GABRB3: variants seen among roughly 807,000 people sequenced by gnomAD.
GABRB3 encodes gamma-aminobutyric acid type A receptor subunit beta3, also known as gamma-aminobutyric acid receptor subunit beta-3.
Under a neutral mutation model 52.1 loss-of-function variants are expected in GABRB3, and 14 were observed. The observed-to-expected ratio is 0.27, with a 90% CI of 0.18 to 0.42. GABRB3 has a LOEUF of 0.42. Ranked by LOEUF, GABRB3 falls within the 10% of genes least tolerant of loss-of-function variation. The probability of loss-of-function intolerance (pLI) is 1.00; values close to 1 mark genes in which losing one functional copy is unlikely to be tolerated. For synonymous variants in GABRB3, 260 were observed against 232.3 expected (o/e 1.12, Z -1.08); for missense variants, 307 against 609.1 (o/e 0.50, Z 5.22).
chr15:26,764,576 G>A (rs1296793228), intron 3 of GABRB3, among the ~76,000 whole-genome samples: 2 of 152,040 alleles, frequency 1.3e-5, no homozygotes, highest in African/African-American at 4.8e-5. Flanking sequence ...AAGGAATGAG[G>A]GGCAATCTAC....
intron 6 of GABRB3, among the ~76,000 whole-genome samples, chr15:26,569,961 G>A (rs1294053467): frequency 6.6e-6 from 1 of 151,984 alleles, no homozygotes; most frequent in Non-Finnish European, 1.5e-5. Context: ...TCCTCTGATG[G>A]TTTTTACCTT....
chr15:26,769,339 C>T (rs531960992), intron 3 of GABRB3, among the ~76,000 whole-genome samples: 6 of 152,172 alleles, frequency 3.9e-5, no homozygotes, highest in South Asian at 2.1e-4. Flanking sequence ...ATCAGTTATC[C>T]CTCATTCATT....
intron 4 of GABRB3, among the ~76,000 whole-genome samples, chr15:26,616,603 GA>G (rs5811433): frequency 0.19 from 25,556 of 136,458 alleles, 2,223 homozygotes; most frequent in African/African-American, 0.25. Context: ...TACTACACTT[GA>G]AAAAAAAAAA....
At chr15:26,751,963 T>A (rs1195042462) in intron 3 of GABRB3, among the ~76,000 whole-genome samples, 5 of 152,188 alleles carry the variant, frequency 3.3e-5, no homozygotes, top group Non-Finnish European at 7.3e-5. Flanking sequence ...TATAAATGTA[T>A]CTGAGGTGGC....
At chr15:26,615,484 G>C (rs1203980520) in intron 4 of GABRB3, 2 of 978,030 alleles carry the variant, frequency 2.0e-6, no homozygotes, top group African/African-American at 3.5e-5. Flanking sequence ...CAAGAGTCAT[G>C]GGAAAAATGG....
chr15:26,710,140 T>C (rs1316655668), intron 3 of GABRB3, among the ~76,000 whole-genome samples: 2 of 152,240 alleles, frequency 1.3e-5, no homozygotes, highest in Non-Finnish European at 2.9e-5. Flanking sequence ...TAGTATTACA[T>C]GGTACAGATA....
chr15:26,703,563 A>G (rs554363161), intron 3 of GABRB3, among the ~76,000 whole-genome samples: 1 of 152,224 alleles, frequency 6.6e-6, no homozygotes. Flanking sequence ...TTTGAAGTCT[A>G]AAGTCCAAAA....
At chr15:26,571,871 A>G (rs1314100274) in intron 6 of GABRB3, among the ~76,000 whole-genome samples, 1 of 152,046 alleles carries the variant, frequency 6.6e-6, no homozygotes, top group African/African-American at 2.4e-5. Flanking sequence ...AACATGGTGA[A>G]ACCCCATCTC....
intron 3 of GABRB3, among the ~76,000 whole-genome samples, chr15:26,680,346 C>T (rs1342794095): frequency 6.6e-6 from 1 of 152,194 alleles, no homozygotes; most frequent in Non-Finnish European, 1.5e-5. Flanking sequence ...GGCTGACAGG[C>T]ACTTTATCAC....
chr15:26,703,729 A>G (rs890892144), intron 3 of GABRB3, among the ~76,000 whole-genome samples: 6 of 152,226 alleles, frequency 3.9e-5, no homozygotes, highest in African/African-American at 1.4e-4. Context: ...AGGAAAGAAC[A>G]GGGTAACAGG....
At chr15:26,550,152 A>G (rs1293077893) in intron 8 of GABRB3, 4 of 152,264 alleles carry the variant, frequency 2.6e-5, no homozygotes. Context: ...TTTCTCCAAC[A>G]GGAAGCAGGA....
chr15:26,574,479 C>T (rs962367579), intron 6 of GABRB3, among the ~76,000 whole-genome samples: 1 of 152,138 alleles, frequency 6.6e-6, no homozygotes, highest in Non-Finnish European at 1.5e-5. Flanking sequence ...TCATAGCAGC[C>T]TTATAGCTAG....
At chr15:26,577,758 A>T (rs1890645096) in intron 6 of GABRB3, among the ~76,000 whole-genome samples, 1 of 152,118 alleles carries the variant, frequency 6.6e-6, no homozygotes, top group Non-Finnish European at 1.5e-5. Context: ...GTCTGGTCCT[A>T]ATAAACTTCC....
Position 26,737,132 on chromosome 15 carries a change from C to T in GABRB3, c.240+35270G>A, listed in dbSNP as rs376058111. 6.6e-5 allele frequency among the ~76,000 whole-genome samples: 10 copies of T among 152,304 alleles called. No homozygotes were observed. In the East Asian group the frequency reaches 1.2e-3, roughly 18 times the overall value. ...ACACGGCTGAGGCCACTGGAGCTTG[C>T]CCCCTCTGTGATTTGCTAGTGAGAT... On this transcript the variant is annotated intron_variant, in intron 3 of 8. Coordinates refer to ENST00000311550, the MANE Select transcript of GABRB3 (RefSeq NM_000814.6).
Position 26,772,381 on chromosome 15 carries a change from C to G in GABRB3, c.240+21G>C, listed in dbSNP as rs766026039. The G allele has an allele frequency of 4.2e-5, 67 of 1,600,874 alleles. 2 individuals are homozygous for G. The Middle Eastern group carries it at 6.6e-4, about 16-fold the overall frequency. On this transcript the variant is annotated intron_variant, in intron 3 of 8. Coordinates refer to ENST00000311550, the MANE Select transcript of GABRB3 (RefSeq NM_000814.6). ...AGCGGGCCGGGGGCTCAGGGACCGC[C>G]CTGGGAGGGCGGGCACTCACCATGT...
At chr15:26,620,895 G>A (rs992106679) in intron 4 of GABRB3, among the ~76,000 whole-genome samples, 3 of 152,100 alleles carry the variant, frequency 2.0e-5, no homozygotes, top group Admixed American at 6.5e-5. Flanking sequence ...ATAAAGCTCC[G>A]TAGAGAGTAA....
At chr15:26,743,093 C>T (rs1024771818) in intron 3 of GABRB3, among the ~76,000 whole-genome samples, 3 of 151,916 alleles carry the variant, frequency 2.0e-5, no homozygotes, top group Non-Finnish European at 2.9e-5. Flanking sequence ...ACACGCCAGG[C>T]CAATTTTTGT....
intron 4 of GABRB3, 130 bp from the exon 5 acceptor site, chr15:26,583,544 CTA>C: frequency 1.4e-6 from 1 of 704,292 alleles, no homozygotes; most frequent in Admixed American, 2.1e-5. Flanking sequence ...ACATCATTCA[CTA>C]TATATAGAGA....
chr15:26,562,293 G>C (rs113948297), intron 7 of GABRB3, among the ~76,000 whole-genome samples: 62 of 152,344 alleles, frequency 4.1e-4, no homozygotes, highest in Non-Finnish European at 7.6e-4. Context: ...AAGCAAGACA[G>C]CTTTGAGGGC....
Sources: allele counts gnomAD v4.1 joint callset (sites outside exome capture counted in the v4.1 genomes callset), GRCh38; gene constraint gnomAD v4.1.1; transcripts MANE v1.5; gene names NCBI Gene and HGNC (gene_info 2026-07-23, HGNC 2026-07-21).